The following ACOT11 variants were observed in gnomAD, a reference collection of about 807,000 sequenced individuals.
The protein encoded by ACOT11 is acyl-CoA thioesterase 11.
ACOT11 carries 69 observed loss-of-function variants against 77.5 expected under a neutral mutation model. The ratio of observed to expected loss-of-function variants is 0.89; its 90% CI spans 0.73 to 1.09. The LOEUF (loss-of-function observed/expected upper bound fraction) is 1.09. Ranked by LOEUF, ACOT11 falls within the 50% of genes least tolerant of loss-of-function variation. ACOT11 has a pLI of 0.00. For synonymous variants in ACOT11, 279 were observed against 313.0 expected (o/e 0.89, Z 1.15); for missense variants, 766 against 813.7 (o/e 0.94, Z 0.71).
exon 17 of ACOT11, chr1:54,637,812 TC>T (rs1644339411): frequency 1.3e-5 from 2 of 151,832 alleles, no homozygotes; most frequent in Non-Finnish European, 2.9e-5. Flanking sequence ...AGTGTGCAAC[TC>T]ATCAGAGTTG....
At chr1:54,556,858 C>T (rs1357459362) in intron 1 of ACOT11, among the ~76,000 whole-genome samples, 2 of 152,060 alleles carry the variant, frequency 1.3e-5, no homozygotes, top group Non-Finnish European at 2.9e-5. Context: ...GCTGGGATTA[C>T]AGACGTGAGC....
chr1:54,615,945 G>C, intron 15 of ACOT11: 1 of 1,502,072 alleles, frequency 6.7e-7, no homozygotes, highest in Non-Finnish European at 9.2e-7. Flanking sequence ...TTGCTTCCCA[G>C]TGAGGGATCT....
rs1001851491 is a variant in ACOT11, at chr1:54,610,079, G to A, written c.*967G>A. 1.5e-5 allele frequency: 21 copies of A among 1,436,418 alleles called. No individual in the cohort carries two copies. Among genetic ancestry groups the A allele is most frequent in the Non-Finnish European group, 1.8e-5 (20 of 1,100,526 alleles). 89.0% of individuals were successfully genotyped at this position (1,436,418 alleles called of 1,614,324 possible). The stretch of plus-strand genomic sequence containing the variant: ...TCTGGAATCTGTCAACCCAGTTTTG[G>A]GCTCCAGGTGGATGGGTTGCTTTAT... On this transcript the variant is annotated 3_prime_UTR_variant, in exon 16 of 16. Coordinates refer to ENST00000343744, the MANE Select transcript of ACOT11 (RefSeq NM_147161.4).
At chr1:54,570,116 C>T (rs1383602460) in intron 1 of ACOT11, among the ~76,000 whole-genome samples, 5 of 152,196 alleles carry the variant, frequency 3.3e-5, no homozygotes. Context: ...TGACTGTTGC[C>T]TTCTATTCCA....
chr1:54,581,847 C>CA (rs1375473192), intron 1 of ACOT11, among the ~76,000 whole-genome samples: 6 of 152,252 alleles, frequency 3.9e-5, no homozygotes, highest in Non-Finnish European at 8.8e-5. Context: ...GGGCTGCACA[C>CA]ACCCCTGCCT....
At chr1:54,614,970 T>C (rs535051504), downstream of ACOT11, 88 of 697,016 alleles carry the variant, frequency 1.3e-4, no homozygotes, top group Admixed American at 7.0e-4. Flanking sequence ...GCGTGCACAG[T>C]GGAGTCAGGG....
At chr1:54,589,483 T>C (rs1654628958) in intron 3 of ACOT11, among the ~76,000 whole-genome samples, 1 of 152,172 alleles carries the variant, frequency 6.6e-6, no homozygotes, top group Non-Finnish European at 1.5e-5. Context: ...AGTTATTTAT[T>C]TTTTCAAGAT....
intron 15 of ACOT11, 40 bp downstream of exon 15, chr1:54,608,108 C>A: frequency 6.3e-7 from 1 of 1,586,816 alleles, no homozygotes; most frequent in Admixed American, 1.7e-5. Context: ...AGCCTGGCTC[C>A]ACCCCAACAC....
At chr1:54,587,774 C>A (rs1654559486) in intron 3 of ACOT11, among the ~76,000 whole-genome samples, 2 of 151,418 alleles carry the variant, frequency 1.3e-5, no homozygotes, top group African/African-American at 4.8e-5. Flanking sequence ...GTTGGCCAAG[C>A]TGGTCTCGAA....
intron 3 of ACOT11, among the ~76,000 whole-genome samples, chr1:54,586,537 T>C (rs1221264602): frequency 6.6e-6 from 1 of 151,818 alleles, no homozygotes; most frequent in Non-Finnish European, 1.5e-5. Context: ...GTTTAAGCAA[T>C]TCTTGTGCCT....
At chr1:54,613,531 G>A (rs10788984), downstream of ACOT11, among the ~76,000 whole-genome samples, 2,796 of 151,964 alleles carry the variant, frequency 0.018, 43 homozygotes, top group Middle Eastern at 0.054. Flanking sequence ...CAAGGGATCC[G>A]CTCACCTTGG....
chr1:54,554,331 G>A (rs60017868), intron 1 of ACOT11, among the ~76,000 whole-genome samples: 10,550 of 62,998 alleles, frequency 0.17, 717 homozygotes, highest in African/African-American at 0.23. Flanking sequence ...GTGTGTGTGT[G>A]TGTATATATA....
chr1:54,577,454 T>C (rs190252973), intron 1 of ACOT11, among the ~76,000 whole-genome samples: 18 of 152,162 alleles, frequency 1.2e-4, no homozygotes, highest in African/African-American at 4.3e-4. Context: ...TTTTAGCATG[T>C]ATCAGTACTT....
chr1:54,630,234 G>A lies in ACOT11; in HGVS notation c.1630-500G>A, dbSNP rs1443097874. On this transcript the variant is annotated intron_variant, in intron 15 of 16. Coordinates refer to the ACOT11 transcript ENST00000371316. ...TTAAAGAAATAAAAAAAACAAGCCA[G>A]GTGTGGTGGTGGCTCACACCTGTAA... 3.6e-5 allele frequency among the ~76,000 whole-genome samples: 3 copies of A among 83,180 alleles called. 1 individual carries two copies. Among genetic ancestry groups the A allele is most frequent in the Non-Finnish European group, 9.3e-5 (3 of 32,336 alleles). 54.6% of individuals were successfully genotyped at this position (83,180 alleles called of 152,430 possible). A position where few individuals can be genotyped will look rare whatever the true frequency, so the allele number is the denominator to read the frequency against.
At chr1:54,572,732 G>C (rs1409932076) in intron 1 of ACOT11, among the ~76,000 whole-genome samples, 1 of 152,228 alleles carries the variant, frequency 6.6e-6, no homozygotes, top group African/African-American at 2.4e-5. Flanking sequence ...CAGCTAGTGA[G>C]TGGGACATAG....
chr1:54,577,710 G>A (rs505224), intron 1 of ACOT11, among the ~76,000 whole-genome samples: 18,106 of 152,090 alleles, frequency 0.12, 2,560 homozygotes, highest in African/African-American at 0.34. Flanking sequence ...TGGTATTTCT[G>A]TGTTTAACTT....
At chr1:54,592,796 A>G (rs939385715) in intron 4 of ACOT11, among the ~76,000 whole-genome samples, 190 bp downstream of exon 4, 22 of 152,340 alleles carry the variant, frequency 1.4e-4, no homozygotes, top group African/African-American at 5.0e-4. Flanking sequence ...CAGAACACAG[A>G]CAGGAAAATC....
At chr1:54,602,846 C>T (rs1643980958) in intron 10 of ACOT11, 122 bp downstream of exon 10, 3 of 1,089,500 alleles carry the variant, frequency 2.8e-6, no homozygotes, top group Non-Finnish European at 3.7e-6. Flanking sequence ...GGGCCCTTTA[C>T]ATCCTCTCGT....
intron 15 of ACOT11, among the ~76,000 whole-genome samples, chr1:54,618,826 T>C (rs1435238115): frequency 6.6e-6 from 1 of 152,176 alleles, no homozygotes; most frequent in African/African-American, 2.4e-5. Context: ...CTGTGTGATC[T>C]TGGGAAGGTT....
Sources: allele counts gnomAD v4.1 joint callset (sites outside exome capture counted in the v4.1 genomes callset), GRCh38; gene constraint gnomAD v4.1.1; transcripts MANE v1.5; gene names NCBI Gene and HGNC (gene_info 2026-07-23, HGNC 2026-07-21).